LAMTOR1: variants seen among roughly 807,000 people sequenced by gnomAD.
LAMTOR1 encodes ragulator complex protein LAMTOR1.
A neutral mutation model predicts 20.5 loss-of-function variants in LAMTOR1; 8 were observed. That is an observed-to-expected ratio of 0.39 (90% CI 0.23 to 0.70). The LOEUF is 0.70. LAMTOR1 is among the 30% of genes least tolerant of loss of function. The probability of loss-of-function intolerance (pLI) is 0.43; values close to 1 mark genes in which losing one functional copy is unlikely to be tolerated. For synonymous variants in LAMTOR1, 77 were observed against 80.9 expected (o/e 0.95, Z 0.26); for missense variants, 135 against 206.2 (o/e 0.65, Z 2.11).
chr11:72,102,179 A>G (rs149023485), intron 1 of LAMTOR1, among the ~76,000 whole-genome samples: 149 of 152,356 alleles, frequency 9.8e-4, no homozygotes, highest in African/African-American at 3.6e-3. Flanking sequence ...GATATAATCT[A>G]TTTTTGTGAC....
intron 1 of LAMTOR1, among the ~76,000 whole-genome samples, chr11:72,101,581 T>G (rs566102972): frequency 1.3e-5 from 2 of 152,332 alleles, no homozygotes; most frequent in East Asian, 3.9e-4. Flanking sequence ...GAAGGCCCTT[T>G]GTAAACTGTA....
chr11:72,102,477 T>C (rs1240307864), intron 1 of LAMTOR1, among the ~76,000 whole-genome samples: 1 of 152,196 alleles, frequency 6.6e-6, no homozygotes, highest in Admixed American at 6.5e-5. Context: ...AATAGGCATG[T>C]CTCCAGCTAA....
At chr11:72,098,232 T>C (rs1945303245) in intron 4 of LAMTOR1, 57 bp downstream of exon 4, 1 of 1,605,284 alleles carries the variant, frequency 6.2e-7, no homozygotes, top group Non-Finnish European at 8.5e-7. Flanking sequence ...GTGAACCCTC[T>C]GCCATACCCT....
Position 72,099,386 on chromosome 11 carries a change from G to A in LAMTOR1, c.43-130C>T. 11 of 994,746 alleles carry A rather than the reference G, an allele frequency of 1.1e-5. 1 individual carries two copies. Among genetic ancestry groups the A allele is most frequent in the Middle Eastern group, 6.6e-4 (2 of 3,044 alleles). 61.6% of individuals were successfully genotyped at this position (994,746 alleles called of 1,614,324 possible). A position where few individuals can be genotyped will look rare whatever the true frequency, so the allele number is the denominator to read the frequency against. ...CTATAAGGAATATCTAAAGTGCCCA[G>A]CTTTATGGAATGCCAGATAAGACTC... On this transcript the variant is annotated intron_variant, in intron 1 of 4. Transcript: ENST00000278671.
Position 72,097,587 on chromosome 11 carries a change from T to G in LAMTOR1, c.*235A>C, listed in dbSNP as rs946129444. 7.4e-7 allele frequency: 1 copy of G among 1,350,016 alleles called. No homozygotes were observed. Among genetic ancestry groups the G allele is most frequent in the African/African-American group, 1.5e-5 (1 of 67,398 alleles). The allele number at this position is 1,350,016 out of a possible 1,614,324, so 83.6% of individuals were successfully genotyped here. On this transcript the variant is annotated 3_prime_UTR_variant, in exon 5 of 5. Transcript: ENST00000278671. Reference sequence around the variant, plus strand: ...CAATGACTATGAAGACATACCAGGCTCTGTCCTTTTGGCCCCCACCCCATC... The same window carrying G: ...CAATGACTATGAAGACATACCAGGCGCTGTCCTTTTGGCCCCCACCCCATC...
At chr11:72,101,715 C>G (rs1398315368) in intron 1 of LAMTOR1, among the ~76,000 whole-genome samples, 1 of 152,128 alleles carries the variant, frequency 6.6e-6, no homozygotes, top group Non-Finnish European at 1.5e-5. Context: ...CATGAGGCCT[C>G]AAATCACCCA....
chr11:72,098,028 C>G, intron 4 of LAMTOR1, 114 bp from the exon 5 acceptor site: 1 of 1,316,592 alleles, frequency 7.6e-7, no homozygotes, highest in Non-Finnish European at 1.0e-6. Flanking sequence ...TGAAGGGGAA[C>G]AGGAAGGCAA....
intron 2 of LAMTOR1, 66 bp downstream of exon 2, chr11:72,099,045 C>T (rs1945341541): frequency 6.3e-7 from 1 of 1,587,460 alleles, no homozygotes; most frequent in African/African-American, 1.3e-5. Flanking sequence ...GAGCCTGGCT[C>T]CTTCTATCCT....
chr11:72,098,280 G>T lies in LAMTOR1; in HGVS notation c.393+9C>A. The T allele has an allele frequency of 3.7e-6, 6 of 1,610,554 alleles. No individual in the cohort carries two copies. Among genetic ancestry groups the T allele is most frequent in the Non-Finnish European group, 5.1e-6 (6 of 1,179,326 alleles). On this transcript the variant is annotated intron_variant, in intron 4 of 4. Coordinates refer to ENST00000278671, the MANE Select transcript of LAMTOR1 (RefSeq NM_017907.3). ...AAGGGTGGGCAGGGGCAGGTGAGGG[G>T]TGTCTCACCTGCTGCAAATCAGAGA...
At position 72,103,243 on chromosome 11, in the gene LAMTOR1, C is replaced by A; in HGVS notation, c.-19G>T. 6.4e-7 allele frequency: 1 copy of A among 1,553,182 alleles called. No homozygotes were observed. On this transcript the variant is annotated 5_prime_UTR_variant, in exon 1 of 5. Transcript: ENST00000278671. ...ACCCCATGGCCGGGGTCGGGCCGGG[C>A]GCTCAGGCCGCGCCGAGGAGGGACG...
intron 1 of LAMTOR1, among the ~76,000 whole-genome samples, chr11:72,100,018 T>G (rs1945381530): frequency 6.6e-6 from 1 of 152,118 alleles, no homozygotes; most frequent in African/African-American, 2.4e-5. Flanking sequence ...ATCCCAACAC[T>G]TTGGGAGCCC....
intron 2 of LAMTOR1, 44 bp downstream of exon 2, chr11:72,099,067 T>C (rs760407151): frequency 1.9e-6 from 3 of 1,606,796 alleles, no homozygotes; most frequent in African/African-American, 1.3e-5. Flanking sequence ...GCCTTTAATA[T>C]GGATAGAGGA....
chr11:72,102,298 G>C (rs929532866), intron 1 of LAMTOR1, among the ~76,000 whole-genome samples: 4 of 152,204 alleles, frequency 2.6e-5, no homozygotes, highest in African/African-American at 9.6e-5. Context: ...AAGGAGAGTA[G>C]ACAGCAACTT....
In LAMTOR1 at chr11:72,098,237, T is replaced by C. The variant is rs769824915; in HGVS notation, c.393+52A>G. On this transcript the variant is annotated intron_variant, in intron 4 of 4. Coordinates refer to ENST00000278671, the MANE Select transcript of LAMTOR1 (RefSeq NM_017907.3). ...GGCAGAGTGGGTGAACCCTCTGCCA[T>C]ACCCTGGGCAGTGTGAGAAGGGTGG... The C allele has an allele frequency of 9.3e-6, 15 of 1,607,162 alleles. No homozygotes were observed. The East Asian group carries it at 2.9e-4, about 31-fold the overall frequency.
intron 1 of LAMTOR1, chr11:72,100,534 C>T (rs923382877): frequency 6.6e-6 from 1 of 152,220 alleles, no homozygotes. Flanking sequence ...ATGAGAAAAA[C>T]AGACCTGCTG....
intron 1 of LAMTOR1, among the ~76,000 whole-genome samples, chr11:72,101,123 G>A (rs1945421370): frequency 6.6e-6 from 1 of 152,228 alleles, no homozygotes; most frequent in South Asian, 2.1e-4. Context: ...TCAAGAAGAA[G>A]GTTGGCTGAT....
chr11:72,098,271 A>C lies in LAMTOR1; in HGVS notation c.393+18T>G. ...CAGTGTGAGAAGGGTGGGCAGGGGC[A>C]GGTGAGGGGTGTCTCACCTGCTGCA... On this transcript the variant is annotated intron_variant, in intron 4 of 4. Coordinates refer to ENST00000278671, the MANE Select transcript of LAMTOR1 (RefSeq NM_017907.3). 6.2e-7 allele frequency: 1 copy of C among 1,613,326 alleles called. No individual in the cohort carries two copies. Among genetic ancestry groups the C allele is most frequent in the South Asian group, 1.1e-5 (1 of 90,836 alleles).
chr11:72,103,133 G>T, intron 1 of LAMTOR1, 50 bp downstream of exon 1: 1 of 1,562,926 alleles, frequency 6.4e-7, no homozygotes, highest in Non-Finnish European at 8.7e-7. Context: ...TGGGCCCCAT[G>T]CCCCAGTGTC....
At chr11:72,099,308 T>C in intron 1 of LAMTOR1, 52 bp from the exon 2 acceptor site, 3 of 1,505,884 alleles carry the variant, frequency 2.0e-6, no homozygotes, top group Non-Finnish European at 2.7e-6. Flanking sequence ...AGATCCTGCC[T>C]TTCACGGGTG....
Sources: allele counts gnomAD v4.1 joint callset (sites outside exome capture counted in the v4.1 genomes callset), GRCh38; gene constraint gnomAD v4.1.1; transcripts MANE v1.5; gene names NCBI Gene and HGNC (gene_info 2026-07-23, HGNC 2026-07-21).